Variants in AKAP19 observed in about 807,000 individuals in gnomAD.
AKAP19 encodes small A-kinase anchoring protein.
At chr2:190,187,087 A>T in the AKAP19 span, among the ~76,000 whole-genome samples, 1 of 152,156 alleles carries the variant, frequency 6.6e-6, no homozygotes, top group African/African-American at 2.4e-5. Flanking sequence ...TGATCTGCCC[A>T]CCTCGAGTTA....
chr2:190,187,509 T>C, the AKAP19 span, among the ~76,000 whole-genome samples: 3 of 151,702 alleles, frequency 2.0e-5, no homozygotes, highest in Non-Finnish European at 4.4e-5. Flanking sequence ...CCAAGGAATT[T>C]ACTCCTTTTG....
At chr2:189,922,668 A>C in the AKAP19 span, among the ~76,000 whole-genome samples, 1 of 152,186 alleles carries the variant, frequency 6.6e-6, no homozygotes, top group African/African-American at 2.4e-5. Flanking sequence ...GCCTTCTTTT[A>C]GTTCTTATAC....
At chr2:189,883,501 C>T in the AKAP19 span, among the ~76,000 whole-genome samples, 2,385 of 141,506 alleles carry the variant, frequency 0.017, 59 homozygotes, top group African/African-American at 0.063. Flanking sequence ...TATTTTGTTT[C>T]TTCCTGTTTT....
the AKAP19 span, among the ~76,000 whole-genome samples, chr2:190,014,652 T>C: frequency 3.3e-5 from 5 of 152,158 alleles, no homozygotes; most frequent in African/African-American, 1.2e-4. Flanking sequence ...CTTTTTTTTT[T>C]TTGACACAGA....
chr2:189,930,750 C>A, the AKAP19 span: 2 of 691,134 alleles, frequency 2.9e-6, no homozygotes, highest in Non-Finnish European at 5.3e-6. Context: ...ACTCCCAGAT[C>A]TGTTTTACTG....
the AKAP19 span, chr2:190,062,119 C>G: frequency 9.0e-6 from 11 of 1,222,956 alleles, 1 homozygote; most frequent in South Asian, 1.5e-4. Flanking sequence ...TACTTACATA[C>G]AGGCCAACAG....
the AKAP19 span, among the ~76,000 whole-genome samples, chr2:190,144,185 AG>A: frequency 1.7e-4 from 5 of 28,696 alleles, no homozygotes; most frequent in East Asian, 5.3e-3. Context: ...AGAAAAGAAA[AG>A]AAAAAAAATA....
the AKAP19 span, among the ~76,000 whole-genome samples, chr2:190,042,111 C>T: frequency 5.3e-5 from 8 of 152,196 alleles, no homozygotes; most frequent in South Asian, 2.1e-4. Context: ...CTTCTTTGTA[C>T]ATCTGGTAGA....
At chr2:189,893,600 G>A in the AKAP19 span, among the ~76,000 whole-genome samples, 8 of 152,150 alleles carry the variant, frequency 5.3e-5, no homozygotes, top group African/African-American at 1.9e-4. Context: ...AGTTGTAAAT[G>A]CAGAAATCAC....
At chr2:189,946,086 T>C in the AKAP19 span, among the ~76,000 whole-genome samples, 11 of 152,176 alleles carry the variant, frequency 7.2e-5, no homozygotes, top group Non-Finnish European at 1.3e-4. Context: ...AAAACTATCA[T>C]GGAGAAATTA....
chr2:190,202,633 G>A, the AKAP19 span: 2 of 166,878 alleles, frequency 1.2e-5, no homozygotes, highest in Non-Finnish European at 2.9e-5. Context: ...AAAGAGAGTA[G>A]AAGGACTGTC....
At chr2:190,108,595 A>G in the AKAP19 span, among the ~76,000 whole-genome samples, 1 of 152,210 alleles carries the variant, frequency 6.6e-6, no homozygotes, top group East Asian at 1.9e-4. Context: ...GATTTAAATG[A>G]CTGGATTCAG....
the AKAP19 span, among the ~76,000 whole-genome samples, chr2:189,954,419 C>CTT: frequency 0.042 from 6,330 of 152,200 alleles, 419 homozygotes; most frequent in African/African-American, 0.14. Context: ...TATGACCAAA[C>CTT]TTCTTCTGGT....
the AKAP19 span, among the ~76,000 whole-genome samples, chr2:190,152,899 CTT>C: frequency 6.3e-5 from 9 of 143,802 alleles, no homozygotes; most frequent in Admixed American, 1.4e-4. Flanking sequence ...CCCATTCTTT[CTT>C]TTTTTTTTTT....
the AKAP19 span, among the ~76,000 whole-genome samples, chr2:189,990,523 T>C: frequency 6.6e-6 from 1 of 152,176 alleles, no homozygotes; most frequent in African/African-American, 2.4e-5. Flanking sequence ...TGTTGGATTC[T>C]ACCTGATAAG....
the AKAP19 span, among the ~76,000 whole-genome samples, chr2:190,043,681 C>A: frequency 6.6e-6 from 1 of 152,150 alleles, no homozygotes; most frequent in African/African-American, 2.4e-5. Context: ...GTTCTGAATT[C>A]TATTTCTGTC....
At chr2:190,097,356 G>C in the AKAP19 span, among the ~76,000 whole-genome samples, 2 of 152,158 alleles carry the variant, frequency 1.3e-5, no homozygotes, top group Non-Finnish European at 2.9e-5. Flanking sequence ...TAGTTTGCTG[G>C]TGGATGGTCT....
At chr2:189,888,969 A>G in the AKAP19 span, among the ~76,000 whole-genome samples, 11,920 of 152,164 alleles carry the variant, frequency 0.078, 785 homozygotes, top group African/African-American at 0.18. Flanking sequence ...TTCCAATACT[A>G]TGTTGAATAA....
chr2:190,049,012 T>G, the AKAP19 span, among the ~76,000 whole-genome samples: 1 of 152,116 alleles, frequency 6.6e-6, no homozygotes. Flanking sequence ...TAGGCCTTTC[T>G]AAGTATTACC....
Sources: gnomAD v4.1 joint callset for allele counts (sites outside exome capture counted in the v4.1 genomes callset) on GRCh38, gnomAD v4.1.1 for gene constraint, MANE v1.5 for transcripts, NCBI Gene and HGNC (gene_info 2026-07-23, HGNC 2026-07-21) for gene names.